Variants in SRC observed in about 807,000 individuals in gnomAD.
The protein encoded by SRC is SRC proto-oncogene, non-receptor tyrosine kinase.
Under a neutral mutation model 62.9 loss-of-function variants are expected in SRC, and 13 were observed. The ratio of observed to expected loss-of-function variants is 0.21; its 90% confidence interval spans 0.13 to 0.33. The LOEUF (loss-of-function observed/expected upper bound fraction) is 0.33. SRC is among the 10% of genes least tolerant of loss of function. The pLI, the probability that SRC is intolerant of heterozygous loss-of-function variation, is 1.00. For missense variants in SRC, 457 were observed against 737.3 expected (o/e 0.62, Z 4.40); for synonymous variants, 302 against 317.5 (o/e 0.95, Z 0.52).
intron 2 of SRC, among the ~76,000 whole-genome samples, chr20:37,370,981 CTTCTTCTTCTTT>C (rs1414362212): frequency 7.3e-6 from 1 of 136,816 alleles, no homozygotes; most frequent in East Asian, 2.0e-4. Flanking sequence ...TCTTCTTCTT[CTTCTTCTTCTTT>C]TTTTTTTTTT....
chr20:37,373,392 T>C (rs1600981652), intron 2 of SRC, among the ~76,000 whole-genome samples: 1 of 151,820 alleles, frequency 6.6e-6, no homozygotes, highest in Non-Finnish European at 1.5e-5. Context: ...TATACACATA[T>C]ATGCGTATAT....
intron 2 of SRC, among the ~76,000 whole-genome samples, chr20:37,372,070 T>A (rs571317594): frequency 7.0e-4 from 107 of 152,234 alleles, no homozygotes; most frequent in Non-Finnish European, 1.3e-3. Flanking sequence ...CGATCATGGC[T>A]CATTGCAGCT....
At chr20:37,355,351 G>A (rs2069866590) in intron 1 of SRC, among the ~76,000 whole-genome samples, 1 of 152,066 alleles carries the variant, frequency 6.6e-6, no homozygotes, top group South Asian at 2.1e-4. Flanking sequence ...TTTAGAAACG[G>A]AGTGGGTTTG....
At chr20:37,392,061 T>C (rs2070559756) in intron 5 of SRC, among the ~76,000 whole-genome samples, 1 of 151,560 alleles carries the variant, frequency 6.6e-6, no homozygotes, top group Non-Finnish European at 1.5e-5. Flanking sequence ...TGGGTGGGGA[T>C]TTGGGGCATC....
rs971403330 is a variant in SRC, at chr20:37,403,510, C to A, written c.*131C>A. Reference sequence around the variant, plus strand: ...GGGGCTGAATTGCCAGGGGCGAGGCCCTTCCTCTTTGGTGGCATGGAAGGG... The same window carrying A: ...GGGGCTGAATTGCCAGGGGCGAGGCACTTCCTCTTTGGTGGCATGGAAGGG... On this transcript the variant is annotated 3_prime_UTR_variant, in exon 14 of 14. Transcript: ENST00000373578. The surrounding 1 kb of genome is among the most constrained non-coding windows in gnomAD (Gnocchi z 7.1). 2 of 1,102,980 alleles carry A rather than the reference C, an allele frequency of 1.8e-6. No individual in the cohort carries two copies. The highest frequency in any genetic ancestry group is 2.5e-6 in the Non-Finnish European group (2 of 791,242). 68.3% of individuals were successfully genotyped at this position (1,102,980 alleles called of 1,614,324 possible). A position where few individuals can be genotyped will look rare whatever the true frequency, so the allele number is the denominator to read the frequency against.
At chr20:37,401,304 G>T (rs994192087) in intron 10 of SRC, among the ~76,000 whole-genome samples, 1 of 152,032 alleles carries the variant, frequency 6.6e-6, no homozygotes, top group African/African-American at 2.4e-5. Flanking sequence ...CTCCCGGCCT[G>T]AGATGCATCC....
intron 1 of SRC, among the ~76,000 whole-genome samples, chr20:37,361,740 C>T (rs1157733396): frequency 1.3e-5 from 2 of 152,160 alleles, no homozygotes; most frequent in African/African-American, 4.8e-5. Context: ...TCTCTGTGAT[C>T]CTCTCCTGAC....
At chr20:37,367,853 C>G (rs1020442144) in intron 2 of SRC, among the ~76,000 whole-genome samples, 1 of 152,072 alleles carries the variant, frequency 6.6e-6, no homozygotes, top group South Asian at 2.1e-4. Context: ...CTATGTTTCC[C>G]AGGCCGGTCT....
At chr20:37,356,351 A>G (rs1482981242) in intron 1 of SRC, among the ~76,000 whole-genome samples, 1 of 152,214 alleles carries the variant, frequency 6.6e-6, no homozygotes, top group African/African-American at 2.4e-5. Flanking sequence ...GCAGTGAGGA[A>G]GGGCTACTGG....
chr20:37,379,564 A>G (rs2070329741), intron 2 of SRC, among the ~76,000 whole-genome samples: 1 of 151,850 alleles, frequency 6.6e-6, no homozygotes, highest in African/African-American at 2.4e-5. Context: ...TGTCTACTAA[A>G]AATACCAGAA....
chr20:37,376,470 G>A (rs2070280383), intron 2 of SRC, among the ~76,000 whole-genome samples: 1 of 152,188 alleles, frequency 6.6e-6, no homozygotes, highest in Admixed American at 6.5e-5. Flanking sequence ...GCTGGCATCT[G>A]AACCTGGCAT....
intron 1 of SRC, among the ~76,000 whole-genome samples, chr20:37,356,295 G>A (rs976840202): frequency 2.6e-5 from 4 of 152,180 alleles, no homozygotes; most frequent in African/African-American, 9.7e-5. Flanking sequence ...ACTTGGGTCA[G>A]TTGGCTGGTG....
chr20:37,393,501 T>G (rs953437847), intron 5 of SRC, among the ~76,000 whole-genome samples: 2 of 152,168 alleles, frequency 1.3e-5, no homozygotes, highest in Admixed American at 1.3e-4. Context: ...CAACCTTACT[T>G]GCCCGCAGAG....
At chr20:37,368,273 C>A (rs2146966840) in intron 2 of SRC, among the ~76,000 whole-genome samples, 1 of 152,020 alleles carries the variant, frequency 6.6e-6, no homozygotes, top group East Asian at 2.0e-4. Flanking sequence ...CAAAAATTAG[C>A]CAGGCGCACT....
Position 37,398,718 on chromosome 20 carries a change from A to T in SRC, c.859+864A>T, listed in dbSNP as rs2070695874. On this transcript the variant is annotated intron_variant, in intron 9 of 13. Transcript: ENST00000373578. The surrounding 1 kb of genome is among the most constrained non-coding windows in gnomAD (Gnocchi z 5.2). ...GAAGCCAGGGTGTGGGCACAGCCAC[A>T]AAGTGAGGACTTGAGCAACACCTGG... Among the ~76,000 whole-genome samples, 1 of 152,194 alleles carries T rather than the reference A, an allele frequency of 6.6e-6. No homozygotes were observed. The highest frequency in any genetic ancestry group is 1.9e-4 in the East Asian group (1 of 5,202).
At position 37,393,953 on chromosome 20, in the gene SRC, A is replaced by G; in HGVS notation, c.409A>G (p.Ser137Gly). The change falls in exon 6 of 14, where the codon AGC (serine) becomes GGC (glycine). Residue 137 changes from serine to glycine, a missense_variant. Transcript: ENST00000373578. ...CACAGGACAGACAGGCTACATCCCC[A>G]GCAACTACGTGGCGCCCTCCGACTC... ...LSTGQTGYIP[S>G]NYVAPSDSIQ... 1.2e-6 allele frequency: 2 copies of G among 1,613,988 alleles called. No homozygotes were observed. The highest frequency in any genetic ancestry group is 1.7e-6 in the Non-Finnish European group (2 of 1,180,012).
intron 1 of SRC, among the ~76,000 whole-genome samples, chr20:37,354,234 A>G (rs1374814095): frequency 6.6e-6 from 1 of 152,202 alleles, no homozygotes; most frequent in East Asian, 1.9e-4. Flanking sequence ...AAGGGACTCA[A>G]TCAAGGTCCT....
chr20:37,396,435 T>TC lies in SRC; in HGVS notation c.703+130dup, dbSNP rs1159143315. On this transcript the variant is annotated intron_variant, in intron 8 of 13. Transcript: ENST00000373578. The surrounding 1 kb of genome is among the most constrained non-coding windows in gnomAD (Gnocchi z 6.1). The stretch of plus-strand genomic sequence containing the variant: ...TCCTGCTTCTCTCCCCACTTCCCCC[T>TC]CCCCCCTCCCTTCCTCTCTCCTCCC... The TC allele has an allele frequency of 1.8e-6, 2 of 1,088,190 alleles. No homozygotes were observed. The highest frequency in any genetic ancestry group is 2.6e-6 in the Non-Finnish European group (2 of 776,832). The allele number at this position is 1,088,190 out of a possible 1,614,324, so 67.4% of individuals were successfully genotyped here.
At chr20:37,356,717 C>A (rs1029561858) in intron 1 of SRC, among the ~76,000 whole-genome samples, 4 of 152,152 alleles carry the variant, frequency 2.6e-5, no homozygotes, top group African/African-American at 9.7e-5. Flanking sequence ...CTCACCAGGG[C>A]AAAGCTCCCC....
Sources: gnomAD v4.1 joint callset for allele counts (sites outside exome capture counted in the v4.1 genomes callset) on GRCh38, gnomAD v4.1.1 for gene constraint, Gnocchi (gnomAD v3.1) non-coding constraint, MANE v1.5 for transcripts, NCBI Gene and HGNC (gene_info 2026-07-23, HGNC 2026-07-21) for gene names.